PTPRD: variants seen among roughly 807,000 people sequenced by gnomAD.
PTPRD encodes protein tyrosine phosphatase receptor type D.
Under a neutral mutation model 214.5 loss-of-function variants are expected in PTPRD, and 34 were observed. The ratio of observed to expected loss-of-function variants is 0.16; its 90% confidence interval spans 0.12 to 0.21. The LOEUF (loss-of-function observed/expected upper bound fraction) is 0.21, where lower values mean the gene tolerates loss of function less well. Ranked by LOEUF, PTPRD falls within the 10% of genes least tolerant of loss-of-function variation. The pLI, the probability that PTPRD is intolerant of heterozygous loss-of-function variation, is 1.00. For missense variants in PTPRD, 2,545 were observed against 2,398.7 expected, an observed-to-expected ratio of 1.06 and a Z score of -1.27; for synonymous variants, 1,128 against 845.7, an observed-to-expected ratio of 1.33 and a Z score of -5.79.
chr9:10,333,148 G>C (rs552088797), intron 3 of PTPRD, among the ~76,000 whole-genome samples: 3 of 151,908 alleles, frequency 2.0e-5, no homozygotes, highest in African/African-American at 7.2e-5. Flanking sequence ...TGAACAGTAA[G>C]TGGAGAGAAA....
chr9:8,542,025 G>C (rs1233261003), intron 14 of PTPRD, among the ~76,000 whole-genome samples: 1 of 152,028 alleles, frequency 6.6e-6, no homozygotes, highest in Non-Finnish European at 1.5e-5. Flanking sequence ...AGATGGAAGA[G>C]TTGTCAAGCA....
chr9:8,346,558 G>C (rs1857810189), intron 39 of PTPRD, among the ~76,000 whole-genome samples: 1 of 152,140 alleles, frequency 6.6e-6, no homozygotes, highest in South Asian at 2.1e-4. Flanking sequence ...AGCCCAGGGT[G>C]TGAATCAATC....
At chr9:10,274,970 A>ACATATAT (rs956254064) in intron 3 of PTPRD, among the ~76,000 whole-genome samples, 6 of 152,118 alleles carry the variant, frequency 3.9e-5, no homozygotes, top group African/African-American at 1.4e-4. Flanking sequence ...TAGAAAATTT[A>ACATATAT]CATATATCAT....
At chr9:8,953,821 T>G (rs1254547268) in intron 11 of PTPRD, among the ~76,000 whole-genome samples, 2 of 152,000 alleles carry the variant, frequency 1.3e-5, no homozygotes, top group Admixed American at 1.3e-4. Flanking sequence ...CCAGTCAGAA[T>G]GGCTTTTATT....
chr9:9,022,065 G>C (rs1290107475), intron 10 of PTPRD, among the ~76,000 whole-genome samples: 3 of 151,682 alleles, frequency 2.0e-5, no homozygotes, highest in African/African-American at 4.8e-5. Flanking sequence ...AGGTGCAGCA[G>C]ACCATCATGG....
At chr9:9,094,161 G>T (rs2099780204) in intron 10 of PTPRD, among the ~76,000 whole-genome samples, 1 of 152,124 alleles carries the variant, frequency 6.6e-6, no homozygotes, top group Non-Finnish European at 1.5e-5. Flanking sequence ...AATTGAATTT[G>T]AAGTTGAAGT....
At position 10,392,610 on chromosome 9, in the gene PTPRD, C is replaced by A. The variant is rs147741872; in HGVS notation, c.-599-51593G>T. On this transcript the variant is annotated intron_variant, in intron 2 of 45. Coordinates refer to ENST00000381196, the MANE Select transcript of PTPRD (RefSeq NM_002839.4). Reference sequence around the variant, plus strand: ...AATACACTGAGGAAAGATGGCTACACAATATAATATGGGATTAAAATGCCC... The same window carrying A: ...AATACACTGAGGAAAGATGGCTACAAAATATAATATGGGATTAAAATGCCC... 5.1e-3 allele frequency among the ~76,000 whole-genome samples: 782 copies of A among 151,866 alleles called. 5 individuals are homozygous for A. Among genetic ancestry groups the A allele is most frequent in the African/African-American group, 0.017 (724 of 41,490 alleles).
At chr9:9,900,749 G>C (rs372251868) in intron 5 of PTPRD, among the ~76,000 whole-genome samples, 28 of 150,956 alleles carry the variant, frequency 1.9e-4, no homozygotes, top group East Asian at 1.4e-3. Flanking sequence ...TGATTCTCCT[G>C]CCTCAGCCTC....
chr9:8,985,077 T>C (rs977495567), intron 11 of PTPRD, among the ~76,000 whole-genome samples: 21 of 152,058 alleles, frequency 1.4e-4, no homozygotes, highest in African/African-American at 4.8e-4. Context: ...AAGAAAAACA[T>C]CTCGCAACAG....
At chr9:8,781,984 A>AT (rs1361096237) in intron 11 of PTPRD, among the ~76,000 whole-genome samples, 1 of 148,442 alleles carries the variant, frequency 6.7e-6, no homozygotes. Context: ...TTTTTTTTTT[A>AT]TTTTTCAAAC....
intron 11 of PTPRD, among the ~76,000 whole-genome samples, chr9:8,871,018 C>T (rs1459635589): frequency 1.3e-5 from 2 of 152,138 alleles, no homozygotes; most frequent in African/African-American, 2.4e-5. Flanking sequence ...CTAGGTGCCC[C>T]CTCCTTTCCC....
intron 11 of PTPRD, among the ~76,000 whole-genome samples, chr9:8,871,930 T>TTGTACTGGGGCACCAC (rs1463317793): frequency 6.6e-6 from 1 of 152,178 alleles, no homozygotes; most frequent in African/African-American, 2.4e-5. Context: ...ATTGGCATCA[T>TTGTACTGGGGCACCAC]TGTACTGGGG....
intron 11 of PTPRD, among the ~76,000 whole-genome samples, chr9:8,908,476 G>C (rs779217058): frequency 4.0e-5 from 6 of 151,882 alleles, no homozygotes; most frequent in Non-Finnish European, 8.8e-5. Context: ...AAATTAAACA[G>C]CACATTTTTA....
chr9:10,375,455 GCCTCTTTATAGC>G (rs2097709919), intron 2 of PTPRD, among the ~76,000 whole-genome samples: 2 of 152,030 alleles, frequency 1.3e-5, no homozygotes, highest in African/African-American at 4.8e-5. Flanking sequence ...TGTCATTTCA[GCCTCTTTATAGC>G]AAGTGAGGAG....
intron 11 of PTPRD, among the ~76,000 whole-genome samples, chr9:8,824,179 T>C (rs937308374): frequency 1.3e-5 from 2 of 152,194 alleles, no homozygotes; most frequent in Non-Finnish European, 2.9e-5. Context: ...TCCTGTGACT[T>C]AGAATGCCTT....
intron 3 of PTPRD, among the ~76,000 whole-genome samples, chr9:10,303,452 C>T (rs909211486): frequency 2.6e-5 from 4 of 151,518 alleles, no homozygotes; most frequent in African/African-American, 4.9e-5. Flanking sequence ...AAAAAACCTT[C>T]AAAAAATAAA....
chr9:8,792,940 C>T (rs1277433576), intron 11 of PTPRD, among the ~76,000 whole-genome samples: 3 of 152,280 alleles, frequency 2.0e-5, no homozygotes, highest in African/African-American at 7.2e-5. Context: ...TCACATCCAT[C>T]ATTTAAGATC....
chr9:9,474,487 G>C (rs2094877253), intron 8 of PTPRD, among the ~76,000 whole-genome samples: 1 of 151,958 alleles, frequency 6.6e-6, no homozygotes, highest in African/African-American at 2.4e-5. Context: ...GAATTCCATT[G>C]GTGTTTTGAT....
intron 9 of PTPRD, among the ~76,000 whole-genome samples, chr9:9,331,292 C>G (rs1410724283): frequency 6.6e-6 from 1 of 151,960 alleles, no homozygotes; most frequent in African/African-American, 2.4e-5. Context: ...TTGTCTTTTT[C>G]CACCCCCATT....
Sources: gnomAD v4.1 joint callset for allele counts (sites outside exome capture counted in the v4.1 genomes callset) on GRCh38, gnomAD v4.1.1 for gene constraint, MANE v1.5 for transcripts, NCBI Gene and HGNC (gene_info 2026-07-23, HGNC 2026-07-21) for gene names.